The following EHMT1 variants were observed in gnomAD, a reference collection of about 807,000 sequenced individuals.
EHMT1 encodes the protein histone-lysine N-methyltransferase EHMT1.
Under a neutral mutation model 147.2 loss-of-function variants are expected in EHMT1, and 15 were observed. The observed-to-expected ratio is 0.10, with a 90% CI of 0.07 to 0.16. The LOEUF is 0.16. EHMT1 is among the 10% of genes least tolerant of loss of function. The pLI, the probability that EHMT1 is intolerant of heterozygous loss-of-function variation, is 1.00. For synonymous variants in EHMT1, 795 were observed against 709.6 expected (o/e 1.12, Z -1.91); for missense variants, 1,587 against 1,772.4 (o/e 0.90, Z 1.88).
At chr9:137,683,281 C>T (rs139962902) in intron 1 of EHMT1, among the ~76,000 whole-genome samples, 102 of 152,266 alleles carry the variant, frequency 6.7e-4, no homozygotes, top group Non-Finnish European at 1.2e-3. Flanking sequence ...GAGGTAAAAG[C>T]GGATCTGCTA....
chr9:137,816,259 C>A, intron 23 of EHMT1, 197 bp downstream of exon 23: 1 of 640,454 alleles, frequency 1.6e-6, no homozygotes. Context: ...GTCATGCTTC[C>A]CCCAGCACAG....
chr9:137,663,419 G>C (rs1404097188), intron 1 of EHMT1, among the ~76,000 whole-genome samples: 1 of 152,182 alleles, frequency 6.6e-6, no homozygotes, highest in Non-Finnish European at 1.5e-5. Context: ...GCATGGAGCA[G>C]TGGTAGCAGC....
At chr9:137,771,823 G>A (rs1466992020) in intron 10 of EHMT1, among the ~76,000 whole-genome samples, 1 of 152,230 alleles carries the variant, frequency 6.6e-6, no homozygotes, top group Non-Finnish European at 1.5e-5. Flanking sequence ...GACCTGAGCA[G>A]CAGAACAGCT....
At chr9:137,715,851 T>G (rs1945166698) in intron 2 of EHMT1, 1 of 984,556 alleles carries the variant, frequency 1.0e-6, no homozygotes, top group Non-Finnish European at 1.2e-6. Flanking sequence ...TAACACTCCA[T>G]GTTTTATTAT....
chr9:137,663,871 T>A (rs1157832674), intron 1 of EHMT1, among the ~76,000 whole-genome samples: 1 of 152,234 alleles, frequency 6.6e-6, no homozygotes, highest in South Asian at 2.1e-4. Flanking sequence ...GGGGAACTTT[T>A]GCTAGTATAT....
At chr9:137,754,147 A>C (rs1385653635) in intron 7 of EHMT1, 24 bp from the exon 8 acceptor site, 13 of 1,613,856 alleles carry the variant, frequency 8.1e-6, no homozygotes, top group Non-Finnish European at 1.1e-5. Flanking sequence ...AGTGGTTTAT[A>C]TGCCTGCCCG....
chr9:137,624,070 G>A (rs547668070), intron 1 of EHMT1, among the ~76,000 whole-genome samples: 6 of 150,594 alleles, frequency 4.0e-5, no homozygotes, highest in African/African-American at 9.8e-5. Context: ...CGCCATCTCG[G>A]CTTACTGCAA....
Position 137,711,047 on chromosome 9 carries a change from C to T in EHMT1, c.85+17C>T, listed in dbSNP as rs1247697065. On this transcript the variant is annotated intron_variant, in intron 2 of 26. Coordinates refer to ENST00000460843, the MANE Select transcript of EHMT1 (RefSeq NM_024757.5). ...TGGGAGAAGGTGAGGGCGGTGTGCA[C>T]CGAGGGACAGGAGCAGCGCCTCCCT... 1.9e-6 allele frequency: 3 copies of T among 1,581,732 alleles called. No individual in the cohort carries two copies. The highest frequency in any genetic ancestry group is 1.7e-6 in the Non-Finnish European group (2 of 1,164,692).
intron 1 of EHMT1, among the ~76,000 whole-genome samples, chr9:137,632,789 T>C (rs1418110051): frequency 2.0e-5 from 3 of 152,176 alleles, no homozygotes; most frequent in African/African-American, 7.2e-5. Flanking sequence ...GTTCCTTTGA[T>C]CATATTCCTG....
chr9:137,757,772 A>AT, intron 8 of EHMT1, 108 bp from the exon 9 acceptor site: 1 of 1,527,602 alleles, frequency 6.5e-7, no homozygotes, highest in African/African-American at 1.4e-5. Flanking sequence ...GAATGGATTA[A>AT]TTAGAAGTAG....
intron 14 of EHMT1, among the ~76,000 whole-genome samples, chr9:137,780,935 GGCATCA>G (rs1261206878): frequency 4.5e-5 from 5 of 111,472 alleles, no homozygotes; most frequent in Non-Finnish European, 7.5e-5. Flanking sequence ...TGGTGATGAC[GGCATCA>G]CTGAGATGTG....
At chr9:137,649,826 C>G (rs1845178582) in intron 1 of EHMT1, among the ~76,000 whole-genome samples, 1 of 152,132 alleles carries the variant, frequency 6.6e-6, no homozygotes, top group African/African-American at 2.4e-5. Flanking sequence ...TTCTGGCCTC[C>G]AGAACTGCGA....
intron 1 of EHMT1, among the ~76,000 whole-genome samples, chr9:137,694,996 C>T (rs1943280810): frequency 6.6e-6 from 1 of 152,218 alleles, no homozygotes; most frequent in South Asian, 2.1e-4. Context: ...ACCTCACACT[C>T]ACCAGTTATG....
At chr9:137,737,578 G>A (rs753152199) in intron 4 of EHMT1, among the ~76,000 whole-genome samples, 2 of 152,184 alleles carry the variant, frequency 1.3e-5, no homozygotes, top group Admixed American at 6.5e-5. Flanking sequence ...ATAGGACAAA[G>A]GCTCCACAAC....
chr9:137,814,454 C>T lies in EHMT1; in HGVS notation c.3204C>T (p.Cys1068=). ...AGTACTGCGTGTGCATCGACGACTG[C>T]TCCTCCAGCAACTGCATGTGCGGCC... The part of the protein sequence containing the change: ...HLQYCVCIDD[C]SSSNCMCGQL... Residue 1068 remains cysteine (C), a synonymous_variant, in exon 22 of 27, where the codon TGC becomes TGT. Coordinates refer to ENST00000460843, the MANE Select transcript of EHMT1 (RefSeq NM_024757.5). 6.2e-7 allele frequency: 1 copy of T among 1,610,730 alleles called. No homozygotes were observed. Among genetic ancestry groups the T allele is most frequent in the Non-Finnish European group, 8.5e-7 (1 of 1,180,030 alleles).
Position 137,744,366 on chromosome 9 carries a change from C to G in EHMT1, c.1170+276C>G, listed in dbSNP as rs3125791. The stretch of plus-strand genomic sequence containing the variant: ...TGAGACAGGGTCTTGTTTTCACCCA[C>G]GCTGCAGTGCAGTGGCACGATCATA... On this transcript the variant is annotated intron_variant, in intron 6 of 26. Coordinates refer to ENST00000460843, the MANE Select transcript of EHMT1 (RefSeq NM_024757.5). 0.15 allele frequency among the ~76,000 whole-genome samples: 22,064 copies of G among 151,724 alleles called. 3,797 individuals are homozygous for G. The highest frequency in any genetic ancestry group is 0.42 in the African/African-American group (17,308 of 41,224).
intron 8 of EHMT1, among the ~76,000 whole-genome samples, chr9:137,756,176 C>T (rs1237625341): frequency 1.3e-5 from 2 of 152,176 alleles, no homozygotes; most frequent in Admixed American, 6.5e-5. Context: ...CTGCAGGCTC[C>T]GCGCTTGCCT....
chr9:137,712,223 C>T (rs1038479574), intron 2 of EHMT1, among the ~76,000 whole-genome samples: 20 of 152,336 alleles, frequency 1.3e-4, no homozygotes, highest in African/African-American at 3.6e-4. Context: ...CCCTGGTCAC[C>T]CCTCCTTTGA....
At chr9:137,807,940 G>A (rs909598965) in intron 18 of EHMT1, among the ~76,000 whole-genome samples, 10 of 152,192 alleles carry the variant, frequency 6.6e-5, no homozygotes, top group African/African-American at 2.2e-4. Context: ...ACCTGTAGCC[G>A]ATGCCAGGAT....
Sources: gnomAD v4.1 joint callset for allele counts (sites outside exome capture counted in the v4.1 genomes callset) on GRCh38, gnomAD v4.1.1 for gene constraint, MANE v1.5 for transcripts, NCBI Gene and HGNC (gene_info 2026-07-23, HGNC 2026-07-21) for gene names.